FXN: variants seen among roughly 807,000 people sequenced by gnomAD.
FXN encodes frataxin, mitochondrial.
A neutral mutation model predicts 22.4 loss-of-function variants in FXN; 14 were observed. The observed-to-expected ratio is 0.62, with a 90% confidence interval of 0.41 to 0.98. The LOEUF (loss-of-function observed/expected upper bound fraction) is 0.98. FXN is among the 50% of genes least tolerant of loss of function. The probability of loss-of-function intolerance (pLI) is 0.00; values close to 1 mark genes in which losing one functional copy is unlikely to be tolerated. For synonymous variants in FXN, 120 were observed against 114.1 expected, an observed-to-expected ratio of 1.05 and a Z score of -0.33; for missense variants, 267 against 268.4, an observed-to-expected ratio of 0.99 and a Z score of 0.04.
chr9:69,040,563 G>T (rs1157757952), intron 1 of FXN, among the ~76,000 whole-genome samples: 1 of 152,118 alleles, frequency 6.6e-6, no homozygotes, highest in Non-Finnish European at 1.5e-5. Flanking sequence ...CACTACTCGG[G>T]ACGCTGAGGC....
chr9:69,037,390 C>T (rs1831583032), intron 1 of FXN, among the ~76,000 whole-genome samples: 1 of 151,838 alleles, frequency 6.6e-6, no homozygotes, highest in Non-Finnish European at 1.5e-5. Context: ...CGCTTGAGCC[C>T]GGGAGGCAGA....
At position 69,057,837 on chromosome 9, in the gene FXN, G is replaced by C. The variant is rs181532286; in HGVS notation, c.384+4577G>C. On this transcript the variant is annotated intron_variant, in intron 3 of 4. Coordinates refer to ENST00000484259, the MANE Select transcript of FXN (RefSeq NM_000144.5). The stretch of plus-strand genomic sequence containing the variant: ...TGCCCAGCACTCTGAGGTTGACTCT[G>C]TGGAGCACTGATCCCTCTGTGTTAT... Among the ~76,000 whole-genome samples the C allele has an allele frequency of 9.2e-5, 14 of 152,136 alleles. No individual in the cohort carries two copies. In the East Asian group the frequency reaches 2.5e-3, roughly 27 times the overall value.
In FXN at chr9:69,076,199, C is replaced by T. The variant is rs1832364156; in HGVS notation, c.*3437C>T. 2 of 977,150 alleles carry T rather than the reference C, an allele frequency of 2.0e-6. No homozygotes were observed. The highest frequency in any genetic ancestry group is 2.4e-6 in the Non-Finnish European group (2 of 827,562). 60.5% of individuals were successfully genotyped at this position (977,150 alleles called of 1,614,324 possible). On this transcript the variant is annotated 3_prime_UTR_variant, in exon 5 of 5. Transcript: ENST00000484259. ...ACTCTGCCTCTTACTTGTTTGTAGACACTGACAGTGGCCTCATGTTTTTTT... is the reference window on the plus strand; with the variant it reads ...ACTCTGCCTCTTACTTGTTTGTAGATACTGACAGTGGCCTCATGTTTTTTT...
intron 1 of FXN, among the ~76,000 whole-genome samples, chr9:69,043,297 C>T (rs564834433): frequency 6.6e-6 from 1 of 152,196 alleles, no homozygotes; most frequent in South Asian, 2.1e-4. Flanking sequence ...AAATTGTCTC[C>T]AAGTGTAGTG....
chr9:69,060,659 TG>T (rs200511919), intron 3 of FXN, among the ~76,000 whole-genome samples: 2,455 of 152,248 alleles, frequency 0.016, 103 homozygotes, highest in Admixed American at 0.092. Context: ...TCAAGATCTG[TG>T]GGGGAAAAAA....
rs1207550793 is a variant in FXN at position 69,073,036 on chromosome 9, TA to T, written c.*275del. ...CTTATCTTTTATAATGTCTTATGCC[TA>T]TACCTGAATATAACAACCTTTAAAA... On this transcript the variant is annotated 3_prime_UTR_variant, in exon 5 of 5. Coordinates refer to ENST00000484259, the MANE Select transcript of FXN (RefSeq NM_000144.5). 1 of 1,316,782 alleles carries T rather than the reference TA, an allele frequency of 7.6e-7. No homozygotes were observed. The highest frequency in any genetic ancestry group is 1.5e-5 in the African/African-American group (1 of 67,392). 81.6% of individuals were successfully genotyped at this position (1,316,782 alleles called of 1,614,324 possible). A position where few individuals can be genotyped will look rare whatever the true frequency, so the allele number is the denominator to read the frequency against.
intron 4 of FXN, 116 bp from the exon 5 acceptor site, chr9:69,072,496 G>A (rs1296252800): frequency 6.3e-7 from 1 of 1,586,804 alleles, no homozygotes; most frequent in Non-Finnish European, 8.6e-7. Context: ...AGCTCATTTT[G>A]TGTTATTTTC....
Position 69,052,734 on chromosome 9 carries a change from G to T in FXN, c.264-406G>T, listed in dbSNP as rs563562170. 1.4e-3 allele frequency among the ~76,000 whole-genome samples: 218 copies of T among 151,644 alleles called. 2 individuals carry two copies. Among genetic ancestry groups the T allele is most frequent in the African/African-American group, 5.1e-3 (212 of 41,396 alleles). On this transcript the variant is annotated intron_variant, in intron 2 of 4. Coordinates refer to ENST00000484259, the MANE Select transcript of FXN (RefSeq NM_000144.5). Reference sequence around the variant, plus strand: ...ATTTTTTGTATTTTCAGTAGAGACGGGGTTTCACCATGTTAGCCAGGATGG... The same window carrying T: ...ATTTTTTGTATTTTCAGTAGAGACGTGGTTTCACCATGTTAGCCAGGATGG...
intron 3 of FXN, among the ~76,000 whole-genome samples, 176 bp downstream of exon 3, chr9:69,053,436 A>C (rs1318661767): frequency 2.0e-5 from 3 of 151,688 alleles, no homozygotes; most frequent in Non-Finnish European, 4.4e-5. Context: ...ACGCCACTGC[A>C]CTCCAGCCTG....
In FXN at chr9:69,035,795, G is replaced by C. The variant is rs960895342; in HGVS notation, c.13G>C (p.Gly5Arg). Reference sequence around the variant, plus strand: ...GACCCGGAGCAGCATGTGGACTCTCGGGCGCCGCGCAGTAGCCGGCCTCCT... The same window carrying C: ...GACCCGGAGCAGCATGTGGACTCTCCGGCGCCGCGCAGTAGCCGGCCTCCT... MWTLGRRAVAGLLAS... is the reference protein window; with the variant it reads MWTLRRRAVAGLLAS... Residue 5 changes from glycine (G) to arginine (R), a missense_variant, in exon 1 of 5, where the codon GGG becomes CGG. By Grantham distance (125) the Gly-to-Arg change is moderately radical. Coordinates refer to ENST00000484259, the MANE Select transcript of FXN (RefSeq NM_000144.5). The C allele has an allele frequency of 5.3e-6, 8 of 1,510,700 alleles. No individual in the cohort carries two copies. The highest frequency in any genetic ancestry group is 5.2e-5 in the East Asian group (2 of 38,500). 93.6% of individuals were successfully genotyped at this position (1,510,700 alleles called of 1,614,324 possible).
At position 69,077,719 on chromosome 9, in the gene FXN, T is replaced by C. The variant is rs1832395552; in HGVS notation, c.*4957T>C. ...CTGAGGCAGGTGGATCACCTGAGGT[T>C]AGGAGTTCGAGGCCAGCCTGGTCAA... On this transcript the variant is annotated 3_prime_UTR_variant, in exon 5 of 5. Transcript: ENST00000484259. 2.3e-6 allele frequency: 2 copies of C among 888,248 alleles called. No homozygotes were observed. The highest frequency in any genetic ancestry group is 3.6e-5 in the African/African-American group (2 of 55,094). 55.0% of individuals were successfully genotyped at this position (888,248 alleles called of 1,614,324 possible). A position where few individuals can be genotyped will look rare whatever the true frequency, so the allele number is the denominator to read the frequency against.
chr9:69,039,580 G>A (rs1225331923), intron 1 of FXN, among the ~76,000 whole-genome samples: 2 of 152,116 alleles, frequency 1.3e-5, no homozygotes, highest in Non-Finnish European at 2.9e-5. Flanking sequence ...TTTGATGGAG[G>A]GATGTGACAG....
intron 1 of FXN, among the ~76,000 whole-genome samples, chr9:69,037,067 C>T (rs1028009660): frequency 2.0e-5 from 3 of 151,974 alleles, no homozygotes; most frequent in African/African-American, 7.3e-5. Context: ...TGTTATTTGG[C>T]CCACATTGTG....
In FXN at chr9:69,078,811, C is replaced by A; in HGVS notation, c.*6049C>A. 1 of 985,724 alleles carries A rather than the reference C, an allele frequency of 1.0e-6. No homozygotes were observed. Among genetic ancestry groups the A allele is most frequent in the Non-Finnish European group, 1.2e-6 (1 of 830,144 alleles). The allele number at this position is 985,724 out of a possible 1,614,324, so 61.1% of individuals were successfully genotyped here. ...TGGCACAGCCTTGCAAACTCCTCCT[C>A]CACTCAGCCTCTGCCTGGATGCCCT... On this transcript the variant is annotated 3_prime_UTR_variant, in exon 5 of 5. Transcript: ENST00000484259.
intron 4 of FXN, 140 bp downstream of exon 4, chr9:69,065,175 A>T: frequency 1.4e-6 from 1 of 709,458 alleles, no homozygotes; most frequent in Non-Finnish European, 2.5e-6. Context: ...CTGAGGTAGG[A>T]GGATCACTTG....
At chr9:69,062,177 T>C (rs527777620) in intron 3 of FXN, among the ~76,000 whole-genome samples, 1 of 152,320 alleles carries the variant, frequency 6.6e-6, no homozygotes, top group Admixed American at 6.5e-5. Flanking sequence ...GGTGGCGTGA[T>C]CACCGGTTAT....
intron 3 of FXN, among the ~76,000 whole-genome samples, chr9:69,060,252 T>A (rs1439193227): frequency 6.6e-6 from 1 of 151,888 alleles, no homozygotes; most frequent in Non-Finnish European, 1.5e-5. Context: ...GCGCCTGTAG[T>A]CCCAGCTACT....
chr9:69,055,183 G>C (rs1831932901), intron 3 of FXN, among the ~76,000 whole-genome samples: 1 of 152,220 alleles, frequency 6.6e-6, no homozygotes, highest in African/African-American at 2.4e-5. Flanking sequence ...GCCCTAGAGG[G>C]CCGGGCTGCT....
intron 3 of FXN, among the ~76,000 whole-genome samples, chr9:69,062,661 A>T (rs968636274): frequency 3.3e-5 from 5 of 151,998 alleles, no homozygotes; most frequent in African/African-American, 1.2e-4. Context: ...ATTTTCAATT[A>T]AAAAAACATC....
Sources: allele counts gnomAD v4.1 joint callset (sites outside exome capture counted in the v4.1 genomes callset), GRCh38; gene constraint gnomAD v4.1.1; transcripts MANE v1.5; gene names NCBI Gene and HGNC (gene_info 2026-07-23, HGNC 2026-07-21).